Variants in CNTN1 observed in about 807,000 individuals in gnomAD.
CNTN1 encodes the protein contactin-1.
In CNTN1, 38 loss-of-function variants were observed where a neutral mutation model predicts 126.4. The ratio of observed to expected loss-of-function variants is 0.30; its 90% CI spans 0.23 to 0.39. The LOEUF (loss-of-function observed/expected upper bound fraction) is 0.39, where lower values mean the gene tolerates loss of function less well. Ranked by LOEUF, CNTN1 falls within the 10% of genes least tolerant of loss-of-function variation. The probability of loss-of-function intolerance (pLI) is 1.00; values close to 1 mark genes in which losing one functional copy is unlikely to be tolerated. For missense variants in CNTN1, 1,009 were observed against 1,248.4 expected (o/e 0.81, Z 2.89); for synonymous variants, 413 against 422.6 (o/e 0.98, Z 0.28).
chr12:40,731,486 A>T (rs976602026), intron 1 of CNTN1, among the ~76,000 whole-genome samples: 2 of 152,022 alleles, frequency 1.3e-5, no homozygotes, highest in Non-Finnish European at 2.9e-5. Context: ...TGAGCAAAAA[A>T]TCCTCAGCAC....
intron 14 of CNTN1, among the ~76,000 whole-genome samples, chr12:40,945,956 G>A (rs1175396242): frequency 1.3e-5 from 2 of 152,084 alleles, no homozygotes; most frequent in Non-Finnish European, 2.9e-5. Flanking sequence ...TGATCTGACA[G>A]TGGGAGCAAA....
At chr12:40,905,460 C>T (rs1944775320) in intron 1 of CNTN1, among the ~76,000 whole-genome samples, 1 of 152,104 alleles carries the variant, frequency 6.6e-6, no homozygotes, top group Admixed American at 6.5e-5. Flanking sequence ...CCCTCAATAG[C>T]AACACTGCAG....
At chr12:40,726,993 C>T (rs1175056526) in intron 1 of CNTN1, among the ~76,000 whole-genome samples, 1 of 148,970 alleles carries the variant, frequency 6.7e-6, no homozygotes, top group South Asian at 2.1e-4. Flanking sequence ...TCTAAAAAGT[C>T]TTTTATTATT....
chr12:40,836,010 A>G (rs200684203), intron 1 of CNTN1, among the ~76,000 whole-genome samples: 10 of 117,128 alleles, frequency 8.5e-5, no homozygotes, highest in Admixed American at 2.6e-4. Flanking sequence ...GTGTGTGTGT[A>G]TATATGTATG....
intron 6 of CNTN1, among the ~76,000 whole-genome samples, chr12:40,929,575 A>G (rs1305669911): frequency 2.0e-5 from 3 of 152,054 alleles, no homozygotes; most frequent in Admixed American, 1.3e-4. Flanking sequence ...ATTAAATAAT[A>G]GAAATAGATA....
intron 1 of CNTN1, among the ~76,000 whole-genome samples, chr12:40,713,900 C>T (rs769498560): frequency 1.3e-4 from 20 of 151,980 alleles, no homozygotes; most frequent in Non-Finnish European, 2.8e-4. Flanking sequence ...ATACCTTTTT[C>T]CCCTGTATTA....
At chr12:41,052,345 A>C (rs1256917693) in intron 23 of CNTN1, among the ~76,000 whole-genome samples, 1 of 152,182 alleles carries the variant, frequency 6.6e-6, no homozygotes, top group African/African-American at 2.4e-5. Flanking sequence ...AATCTGCTAC[A>C]TGCCTATAGC....
rs969479161 is a variant in CNTN1, at chr12:41,035,357, C to T, written c.2980+6138C>T. ...ATAATGTGCCAATGATTTTTTTCTA[C>T]GATAAAATAAAACTTACTCTTCAAA... On this transcript the variant is annotated intron_variant, in intron 23 of 23. Transcript: ENST00000551295. 2.6e-5 allele frequency among the ~76,000 whole-genome samples: 4 copies of T among 151,992 alleles called. No individual in the cohort carries two copies. The East Asian group carries it at 5.8e-4, about 22-fold the overall frequency.
chr12:41,040,433 T>C (rs1161226191), intron 23 of CNTN1, among the ~76,000 whole-genome samples: 1 of 152,110 alleles, frequency 6.6e-6, no homozygotes, highest in East Asian at 1.9e-4. Flanking sequence ...GATATACATT[T>C]AGAGAAATTA....
intron 23 of CNTN1, among the ~76,000 whole-genome samples, chr12:41,035,727 T>G (rs536246088): frequency 2.6e-5 from 4 of 152,158 alleles, no homozygotes; most frequent in Non-Finnish European, 5.9e-5. Flanking sequence ...ACTAGCCATA[T>G]GACAAAAGTG....
intron 1 of CNTN1, among the ~76,000 whole-genome samples, chr12:40,720,967 G>A (rs1056659600): frequency 1.4e-5 from 2 of 141,158 alleles, no homozygotes; most frequent in African/African-American, 2.5e-5. Flanking sequence ...ATATATATGT[G>A]TATATATGTT....
At chr12:41,048,786 G>T (rs994004060) in intron 23 of CNTN1, among the ~76,000 whole-genome samples, 1 of 151,982 alleles carries the variant, frequency 6.6e-6, no homozygotes, top group African/African-American at 2.4e-5. Context: ...AGAGAAGGAA[G>T]GAAGGAAGGA....
chr12:40,729,431 G>A (rs914826186), intron 1 of CNTN1: 5 of 157,774 alleles, frequency 3.2e-5, no homozygotes, highest in Non-Finnish European at 4.3e-5. Flanking sequence ...TTATTGCATT[G>A]GTTATGATGG....
rs148771855 is a variant in CNTN1, at chr12:40,744,910, T to A, written c.-77+52318T>A. On this transcript the variant is annotated intron_variant, in intron 1 of 23. Transcript: ENST00000551295. ...AGAACATTTGGAAAAATAATCATAT[T>A]TATTTTATGTGTTTATTTTCAGCCC... Among the ~76,000 whole-genome samples the A allele has an allele frequency of 1.7e-3, 260 of 152,214 alleles. 1 individual carries two copies. In the East Asian group the frequency reaches 0.042, roughly 24 times the overall value.
chr12:40,892,152 G>A (rs1364574614), intron 1 of CNTN1, among the ~76,000 whole-genome samples: 1 of 152,058 alleles, frequency 6.6e-6, no homozygotes, highest in Non-Finnish European at 1.5e-5. Context: ...TGGCTGTGAA[G>A]GCTGAGCAAA....
intron 14 of CNTN1, among the ~76,000 whole-genome samples, chr12:40,955,040 A>G (rs894169235): frequency 6.6e-6 from 1 of 151,980 alleles, no homozygotes; most frequent in African/African-American, 2.4e-5. Flanking sequence ...AAAATGTCCT[A>G]TTTGTGGCAT....
At chr12:40,780,985 A>G (rs1375782802) in intron 1 of CNTN1, among the ~76,000 whole-genome samples, 1 of 151,768 alleles carries the variant, frequency 6.6e-6, no homozygotes, top group Non-Finnish European at 1.5e-5. Flanking sequence ...TTTACACTAG[A>G]CAGCAATCAC....
chr12:40,811,838 A>C (rs1258413324), intron 1 of CNTN1, among the ~76,000 whole-genome samples: 1 of 151,272 alleles, frequency 6.6e-6, no homozygotes, highest in East Asian at 1.9e-4. Flanking sequence ...AAAAAAAAAA[A>C]AACTCTTAGT....
At chr12:40,958,375 GTGTGTA>G (rs1313609174) in intron 14 of CNTN1, among the ~76,000 whole-genome samples, 77 of 150,668 alleles carry the variant, frequency 5.1e-4, no homozygotes, top group African/African-American at 1.7e-3. Flanking sequence ...GTGTGTGTGT[GTGTGTA>G]TGTATGTATG....
Sources: allele counts gnomAD v4.1 joint callset (sites outside exome capture counted in the v4.1 genomes callset), GRCh38; gene constraint gnomAD v4.1.1; transcripts MANE v1.5; gene names NCBI Gene and HGNC (gene_info 2026-07-23, HGNC 2026-07-21).